PRKCG: variants seen among roughly 807,000 people sequenced by gnomAD.
The protein encoded by PRKCG is protein kinase C gamma type.
Under a neutral mutation model 82.0 loss-of-function variants are expected in PRKCG, and 28 were observed. That is an observed-to-expected ratio of 0.34 (90% CI 0.25 to 0.47). The LOEUF (loss-of-function observed/expected upper bound fraction) is 0.47, where lower values mean the gene tolerates loss of function less well. PRKCG is among the 20% of genes least tolerant of loss of function. The probability of loss-of-function intolerance (pLI) is 1.00; values close to 1 mark genes in which losing one functional copy is unlikely to be tolerated. For missense variants in PRKCG, 640 were observed against 952.7 expected, an observed-to-expected ratio of 0.67 and a Z score of 4.32; for synonymous variants, 383 against 376.6, an observed-to-expected ratio of 1.02 and a Z score of -0.20.
rs754039626 is a variant in PRKCG at position 53,884,204 on chromosome 19, C to T, written c.246C>T (p.Thr82=). The change falls in exon 3 of 18, where the codon ACC becomes ACT. Residue 82 remains threonine, a synonymous_variant. Transcript: ENST00000263431. This position sits in a 1 kb window ranked among gnomAD's most constrained non-coding sequence, Gnocchi z 4.6. The part of the protein sequence containing the change: ...VVHRRCHEFV[T]FECPGAGKGP... ...ATCGACGATGCCACGAATTTGTGAC[C>T]TTCGAGTGTCCAGGCGCTGGGAAGG... The T allele has an allele frequency of 2.5e-6, 4 of 1,614,164 alleles. No individual in the cohort carries two copies. The highest frequency in any genetic ancestry group is 3.4e-6 in the Non-Finnish European group (4 of 1,180,046).
chr19:53,883,081 A>C lies in PRKCG; in HGVS notation c.171-82A>C. ...GGGCCCTGCGGGAGGAGGGTCAGAG[A>C]GCGCAGGCCCCCTGTGGCTCGCAGA... is the stretch of plus-strand genomic sequence containing the variant. On this transcript the variant is annotated intron_variant, in intron 1 of 17. Transcript: ENST00000263431. This position sits in a 1 kb window ranked among gnomAD's most constrained non-coding sequence, Gnocchi z 5.4. The C allele has an allele frequency of 1.3e-6, 2 of 1,551,028 alleles. No homozygotes were observed. Among genetic ancestry groups the C allele is most frequent in the South Asian group, 2.2e-5 (2 of 89,818 alleles).
At chr19:53,906,512 T>C in intron 17 of PRKCG, 55 bp downstream of exon 17, 1 of 1,569,418 alleles carries the variant, frequency 6.4e-7, no homozygotes, top group Non-Finnish European at 8.6e-7. Context: ...GGGGTTCCCC[T>C]GGGCCTCAAT....
chr19:53,888,050 C>T (rs73937603), intron 3 of PRKCG, among the ~76,000 whole-genome samples: 5,111 of 152,118 alleles, frequency 0.034, 273 homozygotes, highest in African/African-American at 0.11. Flanking sequence ...TTTTTAACAG[C>T]GACGTTCACT....
chr19:53,893,211 C>A, intron 8 of PRKCG, 136 bp downstream of exon 8: 1 of 1,223,240 alleles, frequency 8.2e-7, no homozygotes, highest in Non-Finnish European at 1.2e-6. Flanking sequence ...CCCTCCTCTG[C>A]TCTTCTAGGG....
In PRKCG at chr19:53,892,677, G is replaced by A. The variant is rs764141299; in HGVS notation, c.821+34G>A. The A allele has an allele frequency of 5.3e-5, 85 of 1,599,970 alleles. No individual in the cohort carries two copies. The highest frequency in any genetic ancestry group is 8.0e-5 in the African/African-American group (6 of 74,730). On this transcript the variant is annotated intron_variant, in intron 7 of 17. Coordinates refer to ENST00000263431, the MANE Select transcript of PRKCG (RefSeq NM_002739.5). This position sits in a 1 kb window ranked among gnomAD's most constrained non-coding sequence, Gnocchi z 5.9. ...CAGGGCTGGGGCCTGGGGATGGAGC[G>A]CAATATTACCATCTCCATCTGTGTG...
intron 11 of PRKCG, among the ~76,000 whole-genome samples, chr19:53,899,235 G>T (rs918949604): frequency 6.6e-6 from 1 of 152,114 alleles, no homozygotes; most frequent in Non-Finnish European, 1.5e-5. Context: ...TTCCTTGGGG[G>T]CGTGGCCAGG....
rs2068653489 is a variant in PRKCG at position 53,889,251 on chromosome 19, G to A, written c.286-387G>A. 6.6e-6 allele frequency among the ~76,000 whole-genome samples: 1 copy of A among 152,092 alleles called. No homozygotes were observed. Among genetic ancestry groups the A allele is most frequent in the African/African-American group, 2.4e-5 (1 of 41,402 alleles). On this transcript the variant is annotated intron_variant, in intron 3 of 17. Transcript: ENST00000263431. This position sits in a 1 kb window ranked among gnomAD's most constrained non-coding sequence, Gnocchi z 4.4. Reference sequence around the variant, plus strand: ...TTACAGGCATGAGCCACCGCACCCAGCCAGGACCACCGTATTTAAAATTTC... The same window carrying A: ...TTACAGGCATGAGCCACCGCACCCAACCAGGACCACCGTATTTAAAATTTC...
In PRKCG at chr19:53,882,215, G is replaced by A; in HGVS notation, c.-280G>A. The A allele has an allele frequency of 2.1e-6, 1 of 487,048 alleles. No individual in the cohort carries two copies. The highest frequency in any genetic ancestry group is 5.4e-5 in the East Asian group (1 of 18,646). 30.2% of individuals were successfully genotyped at this position (487,048 alleles called of 1,614,324 possible). On this transcript the variant is annotated 5_prime_UTR_variant, in exon 1 of 18. Coordinates refer to ENST00000263431, the MANE Select transcript of PRKCG (RefSeq NM_002739.5). This position sits in a 1 kb window ranked among gnomAD's most constrained non-coding sequence, Gnocchi z 6.1. ...GGCTCCCACATTTCAGCAGGTGCCGGAGCTGGAGCTCCCACCGCCGCCGCC... is the reference window on the plus strand; with the variant it reads ...GGCTCCCACATTTCAGCAGGTGCCGAAGCTGGAGCTCCCACCGCCGCCGCC...
chr19:53,884,380 C>A lies in PRKCG; in HGVS notation c.285+137C>A. 1.1e-6 allele frequency: 1 copy of A among 870,528 alleles called. No homozygotes were observed. The highest frequency in any genetic ancestry group is 1.9e-6 in the Non-Finnish European group (1 of 533,936). The allele number at this position is 870,528 out of a possible 1,614,324, so 53.9% of individuals were successfully genotyped here. On this transcript the variant is annotated intron_variant, in intron 3 of 17. Transcript: ENST00000263431. The surrounding 1 kb of genome is among the most constrained non-coding windows in gnomAD (Gnocchi z 4.6). ...TGGAGAGATAGGGGGAGCTATCTGG[C>A]CCAGATTCCTTGCCCTTGGCCTGGA...
rs115736276 is a variant in PRKCG, at chr19:53,900,698, C to T, written c.1524C>T (p.Pro508=). 2.0e-5 allele frequency: 32 copies of T among 1,614,208 alleles called. No individual in the cohort carries two copies. The highest frequency in any genetic ancestry group is 2.6e-5 in the Non-Finnish European group (31 of 1,180,048). ...DFGMCKENVF[P]GTTTRTFCGT... is the part of the protein sequence containing the mutation. ...GCATGTGTAAGGAGAACGTCTTCCC[C>T]GGGACGACAACCCGCACCTTCTGCG... Residue 508 remains proline (P), a synonymous_variant, in exon 14 of 18, where the codon CCC becomes CCT. Coordinates refer to ENST00000263431, the MANE Select transcript of PRKCG (RefSeq NM_002739.5). The surrounding 1 kb of genome is among the most constrained non-coding windows in gnomAD (Gnocchi z 4.2).
rs867162725 is a variant in PRKCG, at chr19:53,889,887, C to G, written c.399C>G (p.Cys133Trp). ...GCTACCCGCAGCTTTCCCCTCCAGG[C>G]TGCGAGATGAACGTGCACCGGCGCT... Reference protein sequence around the residue: ...GLVHQGMKCSCCEMNVHRRCV... With the variant: ...GLVHQGMKCSWCEMNVHRRCV... Residue 133 changes from cysteine to tryptophan, a missense_variant and splice_region_variant, in exon 5 of 18, where the codon TGC (cysteine) becomes TGG (tryptophan). Physicochemically the swap from Cys to Trp is radical, Grantham distance 215 (BLOSUM62 -2). Around this residue, in one of 7 missense-constraint regions of PRKCG, gnomAD observed 261 missense variants for 312.1 expected, o/e 0.84. Coordinates refer to ENST00000263431, the MANE Select transcript of PRKCG (RefSeq NM_002739.5). The surrounding 1 kb of genome is among the most constrained non-coding windows in gnomAD (Gnocchi z 4.4). 6.3e-7 allele frequency: 1 copy of G among 1,584,150 alleles called. No individual in the cohort carries two copies. Among genetic ancestry groups the G allele is most frequent in the South Asian group, 1.1e-5 (1 of 87,050 alleles).
intron 9 of PRKCG, among the ~76,000 whole-genome samples, chr19:53,896,379 T>G (rs1012489082): frequency 3.9e-3 from 10 of 2,550 alleles, no homozygotes; most frequent in South Asian, 0.045. Context: ...CAGCCCTGAT[T>G]ATTATTATTA....
At chr19:53,886,959 A>T (rs2068635602) in intron 3 of PRKCG, among the ~76,000 whole-genome samples, 1 of 152,212 alleles carries the variant, frequency 6.6e-6, no homozygotes, top group African/African-American at 2.4e-5. Context: ...ACATAGCAAG[A>T]GCCAAAATAT....
chr19:53,884,121 T>A lies in PRKCG; in HGVS notation c.203-40T>A. 6.2e-7 allele frequency: 1 copy of A among 1,601,442 alleles called. No homozygotes were observed. The highest frequency in any genetic ancestry group is 8.6e-7 in the Non-Finnish European group (1 of 1,168,814). On this transcript the variant is annotated intron_variant, in intron 2 of 17. Coordinates refer to ENST00000263431, the MANE Select transcript of PRKCG (RefSeq NM_002739.5). This position sits in a 1 kb window ranked among gnomAD's most constrained non-coding sequence, Gnocchi z 4.6. ...CTGCTGGGGTCTCCCGCTGGACTAA[T>A]CCATGCCTCCGTCTGTGTCTCTATG...
chr19:53,897,071 G>C (rs1390658397), intron 9 of PRKCG, among the ~76,000 whole-genome samples: 1 of 152,160 alleles, frequency 6.6e-6, no homozygotes, highest in Non-Finnish European at 1.5e-5. Context: ...AGGACAATGA[G>C]TGTCAGGCCA....
Position 53,884,336 on chromosome 19 carries a change from G to A in PRKCG, c.285+93G>A, listed in dbSNP as rs913342897. ...CCCAATTTCTCCTGCTATTTTTATGGCTGGGAGGGGAGGGGGGCTGGAGAG... is the reference window on the plus strand; with the variant it reads ...CCCAATTTCTCCTGCTATTTTTATGACTGGGAGGGGAGGGGGGCTGGAGAG... On this transcript the variant is annotated intron_variant, in intron 3 of 17. Transcript: ENST00000263431. The surrounding 1 kb of genome is among the most constrained non-coding windows in gnomAD (Gnocchi z 4.6). 1 of 1,220,642 alleles carries A rather than the reference G, an allele frequency of 8.2e-7. No individual in the cohort carries two copies. Among genetic ancestry groups the A allele is most frequent in the African/African-American group, 1.5e-5 (1 of 67,022 alleles). The allele number at this position is 1,220,642 out of a possible 1,614,324, so 75.6% of individuals were successfully genotyped here.
chr19:53,892,419 G>T lies in PRKCG; in HGVS notation c.687-90G>T, dbSNP rs992853095. The T allele has an allele frequency of 3.0e-5, 46 of 1,542,164 alleles. No individual in the cohort carries two copies. Among genetic ancestry groups the T allele is most frequent in the Admixed American group, 5.7e-5 (3 of 52,482 alleles). ...AGCAGGAGAGGAGCCCCAGCTGGCT[G>T]GGTTTGCCCCCACCTCCAGCACCAA... On this transcript the variant is annotated intron_variant, in intron 6 of 17. Coordinates refer to ENST00000263431, the MANE Select transcript of PRKCG (RefSeq NM_002739.5). The surrounding 1 kb of genome is among the most constrained non-coding windows in gnomAD (Gnocchi z 5.9).
At position 53,900,992 on chromosome 19, in the gene PRKCG, G is replaced by C. The variant is rs73937608; in HGVS notation, c.1575+243G>C. Among the ~76,000 whole-genome samples the C allele has an allele frequency of 7.2e-3, 1,093 of 152,324 alleles. 7 individuals carry two copies. Among genetic ancestry groups the C allele is most frequent in the African/African-American group, 0.024 (997 of 41,576 alleles). ...CAGCACCTGTGGGTGAATGTTCCAGGAGAGTGGGACCAGCTCGTAGGAATT... is the reference window on the plus strand; with the variant it reads ...CAGCACCTGTGGGTGAATGTTCCAGCAGAGTGGGACCAGCTCGTAGGAATT... On this transcript the variant is annotated intron_variant, in intron 14 of 17. Transcript: ENST00000263431. The surrounding 1 kb of genome is among the most constrained non-coding windows in gnomAD (Gnocchi z 4.2).
Position 53,906,941 on chromosome 19 carries a change from C to G in PRKCG, c.*46C>G. ...TGTCCCCAACGTCCCCTCCGCCGTG[C>G]CGGCGGCAGCCCCACTTCACCCCCA... On this transcript the variant is annotated 3_prime_UTR_variant, in exon 18 of 18. Transcript: ENST00000263431. 1 of 1,610,892 alleles carries G rather than the reference C, an allele frequency of 6.2e-7. No individual in the cohort carries two copies. Among genetic ancestry groups the G allele is most frequent in the Non-Finnish European group, 8.5e-7 (1 of 1,178,762 alleles).
Sources: allele counts gnomAD v4.1 joint callset (sites outside exome capture counted in the v4.1 genomes callset), GRCh38; gene constraint gnomAD v4.1.1; regional missense constraint gnomAD v4.1.1; non-coding constraint Gnocchi (gnomAD v3.1); transcripts MANE v1.5; gene names NCBI Gene and HGNC (gene_info 2026-07-23, HGNC 2026-07-21).